The following FRMPD4 variants were observed in gnomAD, a reference collection of about 807,000 sequenced individuals.
The protein encoded by FRMPD4 is FERM and PDZ domain containing 4, also known as FERM and PDZ domain-containing protein 4.
FRMPD4 carries 22 observed loss-of-function variants against 94.1 expected under a neutral mutation model. The observed-to-expected ratio is 0.23, with a 90% CI of 0.17 to 0.33. FRMPD4 has a LOEUF of 0.33. FRMPD4 is among the 10% of genes least tolerant of loss of function. The pLI, the probability that FRMPD4 is intolerant of heterozygous loss-of-function variation, is 1.00. For missense variants in FRMPD4, 1,111 were observed against 1,339.9 expected (o/e 0.83, Z 2.67); for synonymous variants, 631 against 548.6 (o/e 1.15, Z -2.10).
intron 4 of FRMPD4, among the ~76,000 whole-genome samples, chrX:12,674,524 G>C (rs2059875975): frequency 8.9e-6 from 1 of 112,228 alleles, no homozygotes; most frequent in African/African-American, 3.2e-5. Flanking sequence ...AATTCTGAGA[G>C]CAGCAAAAAA....
chrX:12,468,502 C>G (rs1025777184), intron 1 of FRMPD4, among the ~76,000 whole-genome samples: 6 of 111,760 alleles, frequency 5.4e-5, no homozygotes, highest in Non-Finnish European at 1.1e-4. Flanking sequence ...GCACCCGACA[C>G]TCCAAGCATA....
At chrX:12,022,077 A>G (rs1163324574) in intron 3 of FRMPD4, among the ~76,000 whole-genome samples, 1 of 112,445 alleles carries the variant, frequency 8.9e-6, no homozygotes, top group Non-Finnish European at 1.9e-5. Flanking sequence ...CCCCTCCCAT[A>G]GATCATGAGT....
chrX:12,009,215 G>A (rs780774669), intron 3 of FRMPD4, among the ~76,000 whole-genome samples: 1 of 112,367 alleles, frequency 8.9e-6, no homozygotes, highest in South Asian at 3.7e-4. Context: ...GCTTGATTCT[G>A]TTGATTATTT....
intron 1 of FRMPD4, among the ~76,000 whole-genome samples, chrX:12,486,150 C>G (rs957391507): frequency 1.2e-4 from 13 of 110,916 alleles, no homozygotes; most frequent in Non-Finnish European, 1.9e-5. Context: ...AGTTAACATC[C>G]TGTTTCAGGA....
chrX:12,194,567 T>G (rs1436265614), intron 1 of FRMPD4, among the ~76,000 whole-genome samples: 1 of 111,901 alleles, frequency 8.9e-6, no homozygotes, highest in East Asian at 2.8e-4. Context: ...AGAGCTATTA[T>G]TGTTTACTAA....
intron 1 of FRMPD4, among the ~76,000 whole-genome samples, chrX:12,272,150 G>A (rs1432517054): frequency 1.8e-5 from 2 of 112,079 alleles, no homozygotes; most frequent in African/African-American, 6.5e-5. Context: ...TGTAGTACAT[G>A]TAAAGTGCTT....
At position 12,434,874 on chromosome X, in the gene FRMPD4, A is replaced by T. The variant is rs192340674; in HGVS notation, c.42-63806A>T. 1.1e-3 allele frequency among the ~76,000 whole-genome samples: 123 copies of T among 112,467 alleles called. 1 individual carries two copies. Among genetic ancestry groups the T allele is most frequent in the Non-Finnish European group, 1.8e-3 (97 of 53,262 alleles). The stretch of plus-strand genomic sequence containing the variant: ...TTATATACAGTTTGCTTTTTAAAAA[A>T]CTACTGTTGCTATTCTTGCATTTAC... On this transcript the variant is annotated intron_variant, in intron 1 of 16. Transcript: ENST00000675598.
intron 1 of FRMPD4, among the ~76,000 whole-genome samples, chrX:12,353,779 C>T (rs1202418884): frequency 1.5e-4 from 17 of 111,980 alleles, no homozygotes; most frequent in Admixed American, 5.7e-4. Context: ...ATTGTATAGA[C>T]GACTAACAAT....
intron 1 of FRMPD4, among the ~76,000 whole-genome samples, chrX:12,389,692 A>G (rs1171011406): frequency 3.6e-5 from 4 of 111,944 alleles, no homozygotes; most frequent in African/African-American, 1.3e-4. Context: ...TAGTGAATGT[A>G]TAGAAGAGTT....
chrX:11,919,491 G>A (rs746118874), intron 3 of FRMPD4, among the ~76,000 whole-genome samples: 1 of 110,895 alleles, frequency 9.0e-6, no homozygotes, highest in Non-Finnish European at 1.9e-5. Flanking sequence ...TCAGTGCTGT[G>A]GAGGGAGGAT....
Position 12,638,375 on chromosome X carries a change from T to A in FRMPD4, c.422+23494T>A, listed in dbSNP as rs142362018. On this transcript the variant is annotated intron_variant, in intron 4 of 16. Coordinates refer to ENST00000675598, the MANE Select transcript of FRMPD4 (RefSeq NM_001368397.1). ...CCTCAGCCTCCTGAGTAGCTGGGACTATAGGCATGCCCCATCATGCCCAGC... is the reference window on the plus strand; with the variant it reads ...CCTCAGCCTCCTGAGTAGCTGGGACAATAGGCATGCCCCATCATGCCCAGC... Among the ~76,000 whole-genome samples the A allele has an allele frequency of 3.1e-3, 351 of 112,038 alleles. 1 individual carries two copies. Among genetic ancestry groups the A allele is most frequent in the African/African-American group, 0.011 (333 of 30,853 alleles).
chrX:12,636,486 T>C (rs1192982365), intron 4 of FRMPD4, among the ~76,000 whole-genome samples: 1 of 99,081 alleles, frequency 1.0e-5, no homozygotes, highest in African/African-American at 3.8e-5. Flanking sequence ...TTTCTCTTTC[T>C]GTGATATAAG....
At chrX:12,608,546 T>C (rs2059151806) in intron 2 of FRMPD4, among the ~76,000 whole-genome samples, 1 of 112,522 alleles carries the variant, frequency 8.9e-6, no homozygotes, top group Non-Finnish European at 1.9e-5. Flanking sequence ...GAAATGGAGA[T>C]GTGTTTGACA....
chrX:12,486,500 C>T (rs1034943867), intron 1 of FRMPD4, among the ~76,000 whole-genome samples: 3 of 112,402 alleles, frequency 2.7e-5, no homozygotes, highest in Non-Finnish European at 5.6e-5. Flanking sequence ...TTCACAGTTG[C>T]AGATACATTA....
chrX:12,666,348 A>C (rs956413218), intron 4 of FRMPD4, among the ~76,000 whole-genome samples: 4 of 111,195 alleles, frequency 3.6e-5, no homozygotes, highest in African/African-American at 9.8e-5. Flanking sequence ...TTAACACCCC[A>C]CTGTCAGTAG....
intron 3 of FRMPD4, among the ~76,000 whole-genome samples, chrX:12,053,982 C>T (rs1490699389): frequency 9.0e-6 from 1 of 111,676 alleles, no homozygotes; most frequent in East Asian, 2.8e-4. Flanking sequence ...CAAGGCCTGT[C>T]TATTCTGATT....
Position 11,959,198 on chromosome X carries a change from G to A in FRMPD4, c.95+81180G>A, listed in dbSNP as rs752183017. Among the ~76,000 whole-genome samples the A allele has an allele frequency of 3.6e-5, 4 of 112,520 alleles. No homozygotes were observed. In the South Asian group the frequency reaches 1.5e-3, roughly 41 times the overall value. On this transcript the variant is annotated intron_variant, in intron 3 of 18. Coordinates refer to the FRMPD4 transcript ENST00000640291. ...AAGATTCATAAATTTGGAAGGGAGAGCTTTATTTCTTATAAAGGGTTGCAG... is the reference window on the plus strand; with the variant it reads ...AAGATTCATAAATTTGGAAGGGAGAACTTTATTTCTTATAAAGGGTTGCAG...
At chrX:12,021,448 A>G (rs1453596852) in intron 3 of FRMPD4, among the ~76,000 whole-genome samples, 1 of 111,980 alleles carries the variant, frequency 8.9e-6, no homozygotes, top group African/African-American at 3.2e-5. Context: ...CAAAATATTC[A>G]TTTGGGGCTT....
chrX:12,659,250 A>G (rs763504305), intron 4 of FRMPD4, among the ~76,000 whole-genome samples: 11 of 112,564 alleles, frequency 9.8e-5, no homozygotes, highest in Non-Finnish European at 1.7e-4. Flanking sequence ...TGTCTACCCT[A>G]TTCAAAATGG....
Sources: allele counts gnomAD v4.1 joint callset (sites outside exome capture counted in the v4.1 genomes callset), GRCh38; gene constraint gnomAD v4.1.1; transcripts MANE v1.5; gene names NCBI Gene and HGNC (gene_info 2026-07-23, HGNC 2026-07-21).